ERC2: variants seen among roughly 807,000 people sequenced by gnomAD.
The protein encoded by ERC2 is ELKS/RAB6-interacting/CAST family member 2.
ERC2 carries 42 observed loss-of-function variants against 114.8 expected under a neutral mutation model. The ratio of observed to expected loss-of-function variants is 0.37; its 90% CI spans 0.29 to 0.47. The LOEUF (loss-of-function observed/expected upper bound fraction) is 0.47. ERC2 is among the 20% of genes least tolerant of loss of function. ERC2 has a pLI of 0.99. For synonymous variants in ERC2, 454 were observed against 425.5 expected (o/e 1.07, Z -0.82); for missense variants, 939 against 1,150.7 (o/e 0.82, Z 2.66).
chr3:55,961,584 C>T (rs1450055378), intron 12 of ERC2, among the ~76,000 whole-genome samples: 3 of 152,138 alleles, frequency 2.0e-5, no homozygotes, highest in Non-Finnish European at 4.4e-5. Context: ...ATGCCTAGTC[C>T]ATTGCCACCA....
At chr3:55,986,620 C>T (rs952972400) in intron 11 of ERC2, among the ~76,000 whole-genome samples, 7 of 152,160 alleles carry the variant, frequency 4.6e-5, no homozygotes, top group Non-Finnish European at 1.0e-4. Flanking sequence ...CACCTATCAG[C>T]TTCCGCAGCA....
At chr3:55,676,196 T>C (rs2061801873) in intron 17 of ERC2, among the ~76,000 whole-genome samples, 1 of 151,954 alleles carries the variant, frequency 6.6e-6, no homozygotes, top group African/African-American at 2.4e-5. Context: ...GTGCTTGGAT[T>C]ACAGGTGTGA....
At chr3:55,929,149 T>C (rs2065925214) in intron 13 of ERC2, among the ~76,000 whole-genome samples, 1 of 152,160 alleles carries the variant, frequency 6.6e-6, no homozygotes, top group Non-Finnish European at 1.5e-5. Context: ...TTCTATCTAC[T>C]GATTGCTGGG....
intron 17 of ERC2, among the ~76,000 whole-genome samples, chr3:55,602,800 A>G (rs2058467241): frequency 6.6e-6 from 1 of 151,976 alleles, no homozygotes; most frequent in Admixed American, 6.5e-5. Flanking sequence ...TCTTAACCTC[A>G]TGTCTCTCCT....
chr3:56,463,212 G>C (rs2063396291), intron 1 of ERC2, among the ~76,000 whole-genome samples: 1 of 152,114 alleles, frequency 6.6e-6, no homozygotes, highest in African/African-American at 2.4e-5. Context: ...CTGGGTGACA[G>C]AGTGAGGCCC....
intron 7 of ERC2, among the ~76,000 whole-genome samples, chr3:56,026,057 CTTTTTTTT>C (rs59635680): frequency 2.9e-5 from 2 of 69,194 alleles, no homozygotes; most frequent in Non-Finnish European, 5.4e-5. Context: ...CCGTTTCTTT[CTTTTTTTT>C]TTTTTTTTTT....
At chr3:55,769,922 T>G (rs2068073397) in intron 14 of ERC2, among the ~76,000 whole-genome samples, 1 of 152,162 alleles carries the variant, frequency 6.6e-6, no homozygotes, top group Non-Finnish European at 1.5e-5. Context: ...GCTCCCTGCT[T>G]CCCTCTAATA....
At chr3:56,218,816 A>C (rs2049689802) in intron 3 of ERC2, among the ~76,000 whole-genome samples, 1 of 152,144 alleles carries the variant, frequency 6.6e-6, no homozygotes, top group Admixed American at 6.5e-5. Flanking sequence ...GCCATAAAAA[A>C]TGATGAGTTC....
At chr3:55,916,465 G>T (rs2065097628) in intron 13 of ERC2, among the ~76,000 whole-genome samples, 1 of 152,134 alleles carries the variant, frequency 6.6e-6, no homozygotes, top group African/African-American at 2.4e-5. Context: ...CCTAGAATAT[G>T]CAAGCAGAGA....
chr3:55,705,063 A>G (rs2063412437), intron 15 of ERC2, among the ~76,000 whole-genome samples: 1 of 152,174 alleles, frequency 6.6e-6, no homozygotes, highest in South Asian at 2.1e-4. Flanking sequence ...CATGAAGGGT[A>G]AGGTCCACTC....
At chr3:56,053,885 A>G (rs1329287147) in intron 7 of ERC2, among the ~76,000 whole-genome samples, 2 of 152,076 alleles carry the variant, frequency 1.3e-5, no homozygotes, top group Admixed American at 6.6e-5. Context: ...TCCCCTCTTA[A>G]TTCCAGGCAA....
At chr3:56,148,292 CTT>C (rs898847095) in intron 5 of ERC2, among the ~76,000 whole-genome samples, 2 of 148,498 alleles carry the variant, frequency 1.3e-5, no homozygotes, top group Non-Finnish European at 3.0e-5. Context: ...AGCTTAATAA[CTT>C]TTTTTTTTTG....
intron 14 of ERC2, among the ~76,000 whole-genome samples, chr3:55,761,873 C>T (rs2067460470): frequency 7.1e-6 from 1 of 140,136 alleles, no homozygotes; most frequent in South Asian, 2.3e-4. Context: ...GAGACTCCGT[C>T]TCAAAAAAAA....
At chr3:56,230,610 G>A (rs1275934498) in intron 3 of ERC2, among the ~76,000 whole-genome samples, 1 of 151,732 alleles carries the variant, frequency 6.6e-6, no homozygotes, top group Non-Finnish European at 1.5e-5. Flanking sequence ...TATTCCCTTA[G>A]AATTCTTGAA....
At chr3:55,698,856 C>G (rs2063074568) in intron 16 of ERC2, among the ~76,000 whole-genome samples, 1 of 152,156 alleles carries the variant, frequency 6.6e-6, no homozygotes, top group South Asian at 2.1e-4. Flanking sequence ...ACATGCGTTA[C>G]TTAGTCAAGG....
Position 55,508,639 on chromosome 3 carries a change from C to T in ERC2, c.*2677G>A, listed in dbSNP as rs2051901634. 6.6e-6 allele frequency: 1 copy of T among 152,534 alleles called. No individual in the cohort carries two copies. The highest frequency in any genetic ancestry group is 2.4e-5 in the African/African-American group (1 of 41,400). 9.4% of individuals were successfully genotyped at this position (152,534 alleles called of 1,614,324 possible). The stretch of plus-strand genomic sequence containing the variant: ...ACTGACCCTGGGCAGCATTCAATCG[C>T]CACTCTACACAAAAACATTGCAGAT... On this transcript the variant is annotated 3_prime_UTR_variant, in exon 18 of 18. Transcript: ENST00000288221.
In ERC2 at chr3:56,260,462, C is replaced by A. The variant is rs369959060; in HGVS notation, c.1074+35557G>T. ...TCGCCCCCGCGCCCCAGCCCTGGAA[C>A]AGCAATTCACAGTGGCTCCCAGGGG... is the stretch of plus-strand genomic sequence containing the variant. On this transcript the variant is annotated intron_variant, in intron 3 of 17. Transcript: ENST00000288221. Among the ~76,000 whole-genome samples the A allele has an allele frequency of 2.0e-4, 31 of 152,356 alleles. No individual in the cohort carries two copies. The South Asian group carries it at 6.4e-3, about 32-fold the overall frequency.
chr3:55,819,301 T>C (rs1246844657), intron 14 of ERC2, among the ~76,000 whole-genome samples: 7 of 152,232 alleles, frequency 4.6e-5, no homozygotes, highest in Admixed American at 1.3e-4. Flanking sequence ...GTGCCAAGTA[T>C]GTCTTAACCA....
intron 17 of ERC2, among the ~76,000 whole-genome samples, chr3:55,517,634 C>T (rs1458282798): frequency 1.3e-5 from 2 of 152,174 alleles, no homozygotes; most frequent in African/African-American, 2.4e-5. Flanking sequence ...CTCTCCTTGC[C>T]TTCAATCAGC....
Sources: gnomAD v4.1 joint callset for allele counts (sites outside exome capture counted in the v4.1 genomes callset) on GRCh38, gnomAD v4.1.1 for gene constraint, MANE v1.5 for transcripts, NCBI Gene and HGNC (gene_info 2026-07-23, HGNC 2026-07-21) for gene names.